Variants in ZNF536 observed in about 807,000 individuals in gnomAD.
ZNF536 encodes the protein zinc finger protein 536.
ZNF536 carries 13 observed loss-of-function variants against 84.5 expected under a neutral mutation model. The observed-to-expected ratio is 0.15, with a 90% CI of 0.10 to 0.24. The LOEUF (loss-of-function observed/expected upper bound fraction) is 0.24. Among genes scored for constraint, ZNF536 ranks in the 10% least tolerant of loss-of-function variants. The probability of loss-of-function intolerance (pLI) is 1.00; values close to 1 mark genes in which losing one functional copy is unlikely to be tolerated. For synonymous variants in ZNF536, 811 were observed against 742.5 expected, an observed-to-expected ratio of 1.09 and a Z score of -1.50; for missense variants, 1,536 against 1,747.5, an observed-to-expected ratio of 0.88 and a Z score of 2.16.
intron 2 of ZNF536, among the ~76,000 whole-genome samples, chr19:30,300,005 C>G (rs917402040): frequency 1.3e-5 from 2 of 152,292 alleles, no homozygotes; most frequent in Admixed American, 1.3e-4. Flanking sequence ...CAGTTTCTGG[C>G]AGTCAAATTC....
intron 1 of ZNF536, among the ~76,000 whole-genome samples, chr19:30,581,046 C>T (rs769371158): frequency 2.0e-5 from 3 of 152,204 alleles, no homozygotes; most frequent in Non-Finnish European, 2.9e-5. Context: ...TTAGAAACTC[C>T]AAAATCTGAT....
chr19:30,422,829 C>G (rs1288215084), intron 1 of ZNF536, among the ~76,000 whole-genome samples: 6 of 131,810 alleles, frequency 4.6e-5, no homozygotes, highest in African/African-American at 1.4e-4. Context: ...ATCTGCCTAT[C>G]TACACATTCA....
At chr19:30,274,079 G>A (rs2025997012) in intron 1 of ZNF536, among the ~76,000 whole-genome samples, 1 of 152,146 alleles carries the variant, frequency 6.6e-6, no homozygotes, top group Non-Finnish European at 1.5e-5. Flanking sequence ...AAGTAAATGA[G>A]ATTAAACAAA....
At chr19:30,487,901 C>A (rs999267939) in intron 2 of ZNF536, among the ~76,000 whole-genome samples, 2 of 152,206 alleles carry the variant, frequency 1.3e-5, no homozygotes, top group African/African-American at 4.8e-5. Flanking sequence ...ATTTCAATTT[C>A]TATAAATCAG....
rs144967847 is a variant in ZNF536, at chr19:30,480,750, T to C, written c.2170+35018T>C. On this transcript the variant is annotated intron_variant, in intron 2 of 4. Transcript: ENST00000355537. The stretch of plus-strand genomic sequence containing the variant: ...TAAATAAATAAATAATAAATGGCTT[T>C]TTAGCCTGGGCACAGTGGCTCATGC... Among the ~76,000 whole-genome samples the C allele has an allele frequency of 3.7e-3, 557 of 152,264 alleles. 2 individuals carry two copies. The highest frequency in any genetic ancestry group is 0.013 in the African/African-American group (533 of 41,572).
intron 1 of ZNF536, among the ~76,000 whole-genome samples, chr19:30,627,279 A>G (rs1484897410): frequency 6.6e-6 from 1 of 151,814 alleles, no homozygotes; most frequent in East Asian, 1.9e-4. Context: ...TAGCTTGGGG[A>G]ATGTAGGGAG....
rs774748439 is a variant in ZNF536, at chr19:30,548,017, C to T, written c.2398C>T (p.Arg800Ter). The change falls in exon 4 of 5, where the codon CGA (arginine) becomes TGA (stop). Residue 800 changes from arginine (R) to a stop codon, truncating the protein, a stop_gained. Transcript: ENST00000355537. LOFTEE classifies it high-confidence loss of function. ...AGCATCCTTAAAATACCACTTAGAG[C>T]GACACCATCGGGAGCGGCAGAACGG... The part of the protein sequence containing the change: ...QSASLKYHLE[R>*]HHRERQNGAG... The T allele has an allele frequency of 6.2e-7, 1 of 1,612,658 alleles. No individual in the cohort carries two copies. The highest frequency in any genetic ancestry group is 8.5e-7 in the Non-Finnish European group (1 of 1,179,346).
chr19:30,440,216 C>T (rs1348905481), intron 1 of ZNF536, among the ~76,000 whole-genome samples: 1 of 152,010 alleles, frequency 6.6e-6, no homozygotes, highest in Non-Finnish European at 1.5e-5. Context: ...CCACCTCAGT[C>T]TCCCAAAGTG....
intron 2 of ZNF536, among the ~76,000 whole-genome samples, chr19:30,291,473 G>A (rs1205463983): frequency 6.6e-6 from 1 of 152,124 alleles, no homozygotes; most frequent in East Asian, 1.9e-4. Flanking sequence ...TTTGTTGTCT[G>A]TATAAATGTC....
At chr19:30,430,089 T>G (rs995726425) in intron 1 of ZNF536, among the ~76,000 whole-genome samples, 3 of 152,066 alleles carry the variant, frequency 2.0e-5, no homozygotes, top group African/African-American at 7.2e-5. Flanking sequence ...AACTGTTCTC[T>G]TCTAAGTTTT....
At chr19:30,519,355 A>G (rs995217852) in intron 2 of ZNF536, among the ~76,000 whole-genome samples, 8 of 152,210 alleles carry the variant, frequency 5.3e-5, no homozygotes, top group Admixed American at 1.3e-4. Context: ...AGCTTTGCAC[A>G]GCACCTTGGG....
Position 30,522,252 on chromosome 19 carries a change from G to GATATATATATATATATGTGTAT in ZNF536, c.2171-12586_2171-12585insTATATATGTGTATATATATATA. ...TGCCTGTGCCTGATTGGCAGAGCTG[G>GATATATATATATATATGTGTAT]ATATATATACATATATATATACATA... is the stretch of plus-strand genomic sequence containing the variant. On this transcript the variant is annotated intron_variant, in intron 2 of 4. Transcript: ENST00000355537. Among the ~76,000 whole-genome samples the GATATATATATATATATGTGTAT allele has an allele frequency of 4.5e-5, 2 of 44,412 alleles. 1 individual carries two copies. The highest frequency in any genetic ancestry group is 7.8e-5 in the Non-Finnish European group (2 of 25,750). 29.1% of individuals were successfully genotyped at this position (44,412 alleles called of 152,430 possible). A position where few individuals can be genotyped will look rare whatever the true frequency, so the allele number is the denominator to read the frequency against.
At chr19:30,258,541 C>T (rs2025028963) in intron 1 of ZNF536, among the ~76,000 whole-genome samples, 1 of 152,174 alleles carries the variant, frequency 6.6e-6, no homozygotes, top group South Asian at 2.1e-4. Context: ...TGGAAGAGTG[C>T]TTTATCACCA....
At position 30,403,738 on chromosome 19, in the gene ZNF536, C is replaced by T. The variant is rs77746118; in HGVS notation, c.-3+31182C>T. Among the ~76,000 whole-genome samples, 489 of 152,342 alleles carry T rather than the reference C, an allele frequency of 3.2e-3. 4 individuals are homozygous for T. The highest frequency in any genetic ancestry group is 0.011 in the African/African-American group (462 of 41,584). On this transcript the variant is annotated intron_variant, in intron 1 of 4. Coordinates refer to ENST00000355537, the MANE Select transcript of ZNF536 (RefSeq NM_014717.3). ...TCGGCTGCAGTTTTATTGCCAGAGTCTCCAAGTGCAAGGTCCAGCTGCTCT... is the reference window on the plus strand; with the variant it reads ...TCGGCTGCAGTTTTATTGCCAGAGTTTCCAAGTGCAAGGTCCAGCTGCTCT...
At chr19:30,404,768 C>A (rs977400934) in intron 1 of ZNF536, among the ~76,000 whole-genome samples, 1 of 152,106 alleles carries the variant, frequency 6.6e-6, no homozygotes, top group Non-Finnish European at 1.5e-5. Flanking sequence ...GCAGTGGACA[C>A]CAGCTGGGTG....
intron 2 of ZNF536, among the ~76,000 whole-genome samples, chr19:30,291,163 T>C (rs2045827976): frequency 6.6e-6 from 1 of 152,250 alleles, no homozygotes; most frequent in South Asian, 2.1e-4. Flanking sequence ...TGCATGTGTC[T>C]TCATAGTAGA....
At position 30,548,867 on chromosome 19, in the gene ZNF536, A is replaced by G. The variant is rs1434249505; in HGVS notation, c.3248A>G (p.Gln1083Arg). Residue 1083 changes from glutamine (Q) to arginine (R), a missense_variant, in exon 4 of 5, where the codon CAG becomes CGG. Physicochemically the swap from Gln to Arg is conservative, Grantham distance 43 (BLOSUM62 1). Transcript: ENST00000355537. Reference sequence around the variant, plus strand: ...GCTTCTGAGAAGATGGCCCAAGGTCAGCTCAAGGAGACTCTGGGAGAGCAG... The same window carrying G: ...GCTTCTGAGAAGATGGCCCAAGGTCGGCTCAAGGAGACTCTGGGAGAGCAG... Reference protein sequence around the residue: ...DSASEKMAQGQLKETLGEQKS... With the variant: ...DSASEKMAQGRLKETLGEQKS... 1 of 1,614,196 alleles carries G rather than the reference A, an allele frequency of 6.2e-7. No homozygotes were observed. The highest frequency in any genetic ancestry group is 8.5e-7 in the Non-Finnish European group (1 of 1,180,034).
rs770369068 is a variant in ZNF536 at position 30,445,525 on chromosome 19, C to G, written c.1963C>G (p.Arg655Gly). The change falls in exon 2 of 5, where the codon CGG (arginine) becomes GGG (glycine). Residue 655 changes from arginine (R) to glycine (G), a missense_variant. This residue lies in a region of ZNF536 where 366 missense variants were observed against 364.4 expected (regional missense o/e 1.00). Coordinates refer to ENST00000355537, the MANE Select transcript of ZNF536 (RefSeq NM_014717.3). The surrounding 1 kb of genome is among the most constrained non-coding windows in gnomAD (Gnocchi z 4.5). ...GGTCGTGCACTCCCGTGTCCACAAG[C>G]GGGACCGCAAGGGCGAGGAGGATGG... ...QVVVHSRVHK[R>G]DRKGEEDGLH... is the part of the protein sequence containing the mutation. 6.2e-7 allele frequency: 1 copy of G among 1,613,718 alleles called. No homozygotes were observed. The highest frequency in any genetic ancestry group is 1.7e-5 in the Admixed American group (1 of 59,996).
intron 2 of ZNF536, among the ~76,000 whole-genome samples, chr19:30,463,743 G>A (rs1357420749): frequency 6.6e-6 from 1 of 152,126 alleles, no homozygotes; most frequent in Non-Finnish European, 1.5e-5. Flanking sequence ...TACAGCACAG[G>A]GCCTGCCACC....
Sources: allele counts gnomAD v4.1 joint callset (sites outside exome capture counted in the v4.1 genomes callset), GRCh38; gene constraint gnomAD v4.1.1; regional missense constraint gnomAD v4.1.1; non-coding constraint Gnocchi (gnomAD v3.1); transcripts MANE v1.5; gene names NCBI Gene and HGNC (gene_info 2026-07-23, HGNC 2026-07-21).